Variants in NELL2 observed in about 807,000 individuals in gnomAD.
NELL2 encodes the protein protein kinase C-binding protein NELL2.
In NELL2, 41 loss-of-function variants were observed where a neutral mutation model predicts 109.6. The observed-to-expected ratio is 0.37, with a 90% CI of 0.29 to 0.49. NELL2 has a LOEUF of 0.49. Among genes scored for constraint, NELL2 ranks in the 20% least tolerant of loss-of-function variants. The pLI is 0.98. For synonymous variants in NELL2, 355 were observed against 344.7 expected (o/e 1.03, Z -0.33); for missense variants, 900 against 1,008.3 (o/e 0.89, Z 1.45).
At chr12:44,825,003 C>T (rs1195982773) in intron 2 of NELL2, among the ~76,000 whole-genome samples, 3 of 152,156 alleles carry the variant, frequency 2.0e-5, no homozygotes, top group Non-Finnish European at 4.4e-5. Flanking sequence ...AGCCACCGTG[C>T]CCGGCCTGTA....
chr12:44,675,593 C>A (rs1948281719), intron 12 of NELL2, among the ~76,000 whole-genome samples: 1 of 151,992 alleles, frequency 6.6e-6, no homozygotes, highest in Admixed American at 6.6e-5. Context: ...ATTTTTAGAT[C>A]TGAGAGGAAC....
upstream of NELL2, among the ~76,000 whole-genome samples, chr12:44,879,968 G>T (rs1160779152): frequency 6.6e-6 from 1 of 151,858 alleles, no homozygotes; most frequent in Non-Finnish European, 1.5e-5. Flanking sequence ...TTCTGAAGAA[G>T]CAAATATAAG....
chr12:44,625,956 C>T (rs2136278472), intron 13 of NELL2, among the ~76,000 whole-genome samples: 1 of 147,086 alleles, frequency 6.8e-6, no homozygotes, highest in African/African-American at 2.7e-5. Flanking sequence ...AATGAAACTC[C>T]AAAGGTAATT....
intron 14 of NELL2, among the ~76,000 whole-genome samples, chr12:44,609,833 G>A (rs1004833136): frequency 3.3e-5 from 5 of 151,850 alleles, no homozygotes; most frequent in African/African-American, 1.2e-4. Context: ...ACACAGACAC[G>A]GTATCATAGC....
chr12:44,569,462 G>A (rs983842052), intron 15 of NELL2, among the ~76,000 whole-genome samples: 1 of 152,070 alleles, frequency 6.6e-6, no homozygotes, highest in Non-Finnish European at 1.5e-5. Context: ...TTGCCACACT[G>A]CTTGCCACAA....
chr12:44,714,848 CA>C (rs1188231052), intron 9 of NELL2, 107 bp from the exon 10 acceptor site: 4 of 559,560 alleles, frequency 7.1e-6, no homozygotes, highest in Non-Finnish European at 1.2e-5. Context: ...CTTTTTTCAA[CA>C]TGTATGACTA....
intron 9 of NELL2, among the ~76,000 whole-genome samples, chr12:44,736,174 C>T (rs1199216141): frequency 1.3e-5 from 2 of 151,772 alleles, no homozygotes; most frequent in African/African-American, 4.8e-5. Context: ...CCATGCCCGG[C>T]TAATTTTTGT....
At chr12:44,905,418 AG>A (rs1302202041) in intron 1 of NELL2, among the ~76,000 whole-genome samples, 1 of 151,946 alleles carries the variant, frequency 6.6e-6, no homozygotes, top group African/African-American at 2.4e-5. Flanking sequence ...AAGTTCTTGT[AG>A]CTGTTTATTA....
At chr12:44,724,957 A>C (rs1008986062) in intron 9 of NELL2, among the ~76,000 whole-genome samples, 25 of 152,254 alleles carry the variant, frequency 1.6e-4, no homozygotes, top group Middle Eastern at 6.8e-3. Context: ...CCCAGAAATA[A>C]GGCTGCACAT....
intron 2 of NELL2, among the ~76,000 whole-genome samples, chr12:44,820,938 G>C (rs1259575385): frequency 7.0e-6 from 1 of 142,726 alleles, no homozygotes. Flanking sequence ...TCATAGGCGT[G>C]CCTGAGTAAA....
chr12:44,777,932 T>G (rs1218868164), intron 5 of NELL2, among the ~76,000 whole-genome samples: 1 of 152,144 alleles, frequency 6.6e-6, no homozygotes, highest in African/African-American at 2.4e-5. Flanking sequence ...CATAGAAAAT[T>G]TTATCACATG....
intron 9 of NELL2, among the ~76,000 whole-genome samples, chr12:44,716,834 A>C (rs1016513394): frequency 7.9e-5 from 12 of 152,108 alleles, no homozygotes; most frequent in Non-Finnish European, 1.8e-4. Context: ...ATTGTAAAAA[A>C]AACACAAGGG....
intron 1 of NELL2, among the ~76,000 whole-genome samples, chr12:44,886,709 A>G (rs1945477489): frequency 6.6e-6 from 1 of 151,982 alleles, no homozygotes; most frequent in African/African-American, 2.4e-5. Flanking sequence ...GCAATAGATT[A>G]TTGTAAACTA....
Position 44,747,277 on chromosome 12 carries a change from C to T in NELL2, c.994+27470G>A, listed in dbSNP as rs545435193. On this transcript the variant is annotated intron_variant, in intron 9 of 19. Transcript: ENST00000429094. ...GAACACATGGACACAGGAAGGGGAA[C>T]ATCACACACCGGGGACTGTTGTAAG... Among the ~76,000 whole-genome samples the T allele has an allele frequency of 9.3e-5, 14 of 149,836 alleles. No individual in the cohort carries two copies. In the South Asian group the frequency reaches 3.1e-3, roughly 33 times the overall value.
intron 19 of NELL2, among the ~76,000 whole-genome samples, chr12:44,518,990 T>C (rs1592058404): frequency 1.3e-5 from 2 of 152,334 alleles, no homozygotes; most frequent in African/African-American, 2.4e-5. Flanking sequence ...GAGCTTGAAA[T>C]AGATAAAAAT....
chr12:44,608,994 C>G (rs749728468), intron 14 of NELL2, among the ~76,000 whole-genome samples: 1 of 151,384 alleles, frequency 6.6e-6, no homozygotes, highest in Non-Finnish European at 1.5e-5. Flanking sequence ...AGATTAACAA[C>G]AGTAATTTAT....
chr12:44,767,734 C>CA (rs1420789320), intron 9 of NELL2, among the ~76,000 whole-genome samples: 2 of 151,184 alleles, frequency 1.3e-5, no homozygotes, highest in African/African-American at 2.4e-5. Context: ...ATGTTATTAA[C>CA]AAAAAAACAA....
chr12:44,902,805 G>T (rs571320272), intron 1 of NELL2, among the ~76,000 whole-genome samples: 2 of 152,240 alleles, frequency 1.3e-5, no homozygotes, highest in South Asian at 4.2e-4. Context: ...AATGGGGAAA[G>T]GATTCCCTAT....
intron 3 of NELL2, among the ~76,000 whole-genome samples, chr12:44,808,951 A>G (rs1320155271): frequency 6.6e-6 from 1 of 152,054 alleles, no homozygotes; most frequent in Middle Eastern, 3.2e-3. Context: ...TTATTTGCAA[A>G]GCTATTGCCA....
Sources: gnomAD v4.1 joint callset for allele counts (sites outside exome capture counted in the v4.1 genomes callset) on GRCh38, gnomAD v4.1.1 for gene constraint, MANE v1.5 for transcripts, NCBI Gene and HGNC (gene_info 2026-07-23, HGNC 2026-07-21) for gene names.